Variants in RAPGEF4 observed in about 807,000 individuals in gnomAD.
The protein encoded by RAPGEF4 is Rap guanine nucleotide exchange factor 4.
Under a neutral mutation model 147.9 loss-of-function variants are expected in RAPGEF4, and 66 were observed. That is an observed-to-expected ratio of 0.45 (90% CI 0.37 to 0.55). RAPGEF4 has a LOEUF of 0.55. Among genes scored for constraint, RAPGEF4 ranks in the 20% least tolerant of loss-of-function variants. The probability of loss-of-function intolerance (pLI) is 0.00; values close to 1 mark genes in which losing one functional copy is unlikely to be tolerated. For synonymous variants in RAPGEF4, 419 were observed against 442.7 expected, an observed-to-expected ratio of 0.95 and a Z score of 0.67; for missense variants, 1,071 against 1,257.3, an observed-to-expected ratio of 0.85 and a Z score of 2.24.
chr2:172,901,346 A>G (rs1699039766), intron 4 of RAPGEF4, among the ~76,000 whole-genome samples: 1 of 152,250 alleles, frequency 6.6e-6, no homozygotes, highest in South Asian at 2.1e-4. Context: ...ATTGGTATCA[A>G]GTGATCATCA....
At chr2:172,848,662 A>G (rs1249836562) in intron 4 of RAPGEF4, among the ~76,000 whole-genome samples, 1 of 152,208 alleles carries the variant, frequency 6.6e-6, no homozygotes, top group East Asian at 1.9e-4. Flanking sequence ...AGTTTTCACA[A>G]AAGATCAAAG....
intron 4 of RAPGEF4, among the ~76,000 whole-genome samples, chr2:172,862,572 G>A (rs967932449): frequency 1.3e-5 from 2 of 152,154 alleles, no homozygotes; most frequent in African/African-American, 4.8e-5. Flanking sequence ...CCCATCTCTT[G>A]AAAACTATTG....
At chr2:173,039,449 C>T (rs1443503501) in intron 29 of RAPGEF4, among the ~76,000 whole-genome samples, 1 of 149,600 alleles carries the variant, frequency 6.7e-6, no homozygotes, top group Non-Finnish European at 1.5e-5. Context: ...TGGGAGACAG[C>T]GAGACTCTGT....
At chr2:172,977,675 G>A (rs559785047) in intron 10 of RAPGEF4, among the ~76,000 whole-genome samples, 1 of 152,192 alleles carries the variant, frequency 6.6e-6, no homozygotes, top group East Asian at 1.9e-4. Flanking sequence ...CTCCTCCCTG[G>A]GACTCACCTC....
rs202171588 is a variant in RAPGEF4, at chr2:173,036,082, A to G, written c.2701-43A>G. 1.2e-4 allele frequency: 175 copies of G among 1,410,872 alleles called. No homozygotes were observed. The African/African-American group carries it at 2.2e-3, about 18-fold the overall frequency. 87.4% of individuals were successfully genotyped at this position (1,410,872 alleles called of 1,614,324 possible). ...ATTAGGAGGTAACAAAGGGTGGTGTATCTGTCACCAGTCATTACCATCATC... is the reference window on the plus strand; with the variant it reads ...ATTAGGAGGTAACAAAGGGTGGTGTGTCTGTCACCAGTCATTACCATCATC... On this transcript the variant is annotated intron_variant, in intron 27 of 30. Transcript: ENST00000397081.
Position 173,039,902 on chromosome 2 carries a change from C to T in RAPGEF4, c.2853+3210C>T, listed in dbSNP as rs551603345. On this transcript the variant is annotated intron_variant, in intron 29 of 30. Coordinates refer to ENST00000397081, the MANE Select transcript of RAPGEF4 (RefSeq NM_007023.4). ...TAAGAAAGTTTGATTTTAGAATTGG[C>T]CCTCCAGCTGGGTGTGGTGGCTCAT... Among the ~76,000 whole-genome samples, 10 of 152,136 alleles carry T rather than the reference C, an allele frequency of 6.6e-5. No individual in the cohort carries two copies. The South Asian group carries it at 2.1e-3, about 32-fold the overall frequency.
intron 4 of RAPGEF4, among the ~76,000 whole-genome samples, chr2:172,833,585 A>G (rs1192003393): frequency 6.6e-6 from 1 of 152,158 alleles, no homozygotes. Context: ...TTGGTCTGTG[A>G]ATGGCTGGTT....
intron 27 of RAPGEF4, 26 bp downstream of exon 27, chr2:173,033,990 T>A (rs748020540): frequency 3.8e-6 from 6 of 1,595,476 alleles, no homozygotes; most frequent in Non-Finnish European, 5.1e-6. Context: ...TTCTTTATTC[T>A]GTTCACTGTC....
At chr2:173,019,915 C>T (rs548568408) in intron 22 of RAPGEF4, among the ~76,000 whole-genome samples, 1 of 152,172 alleles carries the variant, frequency 6.6e-6, no homozygotes, top group African/African-American at 2.4e-5. Flanking sequence ...TCCTTGCCTT[C>T]TCACTCTGTA....
At chr2:172,896,450 A>G (rs1431036415) in intron 4 of RAPGEF4, among the ~76,000 whole-genome samples, 5 of 152,208 alleles carry the variant, frequency 3.3e-5, no homozygotes, top group African/African-American at 1.2e-4. Context: ...AGAGTTTTTC[A>G]TAAACAGCTA....
At chr2:172,986,475 G>A (rs866762982) in intron 12 of RAPGEF4, among the ~76,000 whole-genome samples, 3 of 152,084 alleles carry the variant, frequency 2.0e-5, no homozygotes, top group African/African-American at 7.2e-5. Flanking sequence ...ATTTTAGTAA[G>A]AATGTAACTT....
chr2:172,932,526 G>A (rs1686100638), intron 6 of RAPGEF4, among the ~76,000 whole-genome samples: 1 of 151,342 alleles, frequency 6.6e-6, no homozygotes. Context: ...TAGTTACAAT[G>A]TTATATTATT....
intron 4 of RAPGEF4, among the ~76,000 whole-genome samples, chr2:172,815,013 C>T (rs1454062653): frequency 5.3e-5 from 8 of 152,216 alleles, no homozygotes; most frequent in Non-Finnish European, 1.2e-4. Context: ...AAGTATTGCA[C>T]TCATTTACAA....
intron 15 of RAPGEF4, among the ~76,000 whole-genome samples, chr2:172,994,200 A>T (rs559509456): frequency 6.6e-6 from 1 of 152,188 alleles, no homozygotes; most frequent in Non-Finnish European, 1.5e-5. Context: ...TTCAGTTTTC[A>T]TGTTATGGAA....
chr2:172,804,010 C>T (rs1273657655), intron 3 of RAPGEF4, among the ~76,000 whole-genome samples: 1 of 152,098 alleles, frequency 6.6e-6, no homozygotes, highest in Non-Finnish European at 1.5e-5. Flanking sequence ...AATTTCCTTC[C>T]ACCAGTTCCT....
At chr2:173,013,112 C>T (rs1447897738) in intron 17 of RAPGEF4, among the ~76,000 whole-genome samples, 4 of 152,192 alleles carry the variant, frequency 2.6e-5, no homozygotes, top group Admixed American at 6.5e-5. Context: ...TGCAGTAAAC[C>T]TTTGCCTTAA....
intron 1 of RAPGEF4, among the ~76,000 whole-genome samples, chr2:172,752,817 T>C (rs1695415530): frequency 6.6e-6 from 1 of 152,256 alleles, no homozygotes; most frequent in Non-Finnish European, 1.5e-5. Flanking sequence ...TTTATTGTGC[T>C]CTTTTATCTC....
intron 4 of RAPGEF4, among the ~76,000 whole-genome samples, chr2:172,866,805 A>T (rs1694697897): frequency 6.6e-6 from 1 of 151,992 alleles, no homozygotes; most frequent in African/African-American, 2.4e-5. Flanking sequence ...TGTTGTATTG[A>T]TCTCCTTTGG....
chr2:172,975,819 C>T (rs1691004705), intron 10 of RAPGEF4, among the ~76,000 whole-genome samples: 1 of 152,202 alleles, frequency 6.6e-6, no homozygotes, highest in African/African-American at 2.4e-5. Flanking sequence ...ATTTGTTCTT[C>T]TCAACTTGTT....
Sources: gnomAD v4.1 joint callset for allele counts (sites outside exome capture counted in the v4.1 genomes callset) on GRCh38, gnomAD v4.1.1 for gene constraint, MANE v1.5 for transcripts, NCBI Gene and HGNC (gene_info 2026-07-23, HGNC 2026-07-21) for gene names.